EDIL3: variants seen among roughly 807,000 people sequenced by gnomAD.
EDIL3 encodes the protein EGF-like repeat and discoidin I-like domain-containing protein 3.
Under a neutral mutation model 67.4 loss-of-function variants are expected in EDIL3, and 37 were observed. The observed-to-expected ratio is 0.55, with a 90% CI of 0.42 to 0.72. EDIL3 has a LOEUF of 0.72. Among genes scored for constraint, EDIL3 ranks in the 30% least tolerant of loss-of-function variants. EDIL3 has a pLI of 0.00. For synonymous variants in EDIL3, 195 were observed against 196.3 expected (o/e 0.99, Z 0.05); for missense variants, 527 against 586.3 (o/e 0.90, Z 1.04).
chr5:84,230,763 A>ATGTGTGTGTGTGTGTGTGTG lies in EDIL3; in HGVS notation c.197-899_197-880dup, dbSNP rs59552122. 7.0e-3 allele frequency among the ~76,000 whole-genome samples: 962 copies of ATGTGTGTGTGTGTGTGTGTG among 137,210 alleles called. 5 individuals are homozygous for ATGTGTGTGTGTGTGTGTGTG. Among genetic ancestry groups the ATGTGTGTGTGTGTGTGTGTG allele is most frequent in the Non-Finnish European group, 8.8e-3 (574 of 64,884 alleles). The allele number at this position is 137,210 out of a possible 152,430, so 90.0% of individuals were successfully genotyped here. A position where few individuals can be genotyped will look rare whatever the true frequency, so the allele number is the denominator to read the frequency against. ...CTCTCTCTCTCTCTCCCACTACGTGATGTGTGTGTGTGTGTGTGTGTGTGT... is the reference window on the plus strand; with the variant it reads ...CTCTCTCTCTCTCTCCCACTACGTGATGTGTGTGTGTGTGTGTGTGTGTGTGTGTGTGTGTGTGTGTGTGT... On this transcript the variant is annotated intron_variant, in intron 2 of 10. Coordinates refer to ENST00000296591, the MANE Select transcript of EDIL3 (RefSeq NM_005711.5).
intron 3 of EDIL3, among the ~76,000 whole-genome samples, chr5:84,183,369 T>C (rs1480853891): frequency 6.6e-6 from 1 of 152,118 alleles, no homozygotes; most frequent in East Asian, 1.9e-4. Context: ...GAGTTTTGAC[T>C]CATCAATTCA....
At chr5:84,276,552 C>T (rs1048529907) in intron 1 of EDIL3, among the ~76,000 whole-genome samples, 2 of 151,826 alleles carry the variant, frequency 1.3e-5, no homozygotes, top group African/African-American at 4.8e-5. Flanking sequence ...TTTTCTCTTG[C>T]CATTGCTTTG....
rs569401179 is a variant in EDIL3, at chr5:84,198,383, T to C, written c.227-17862A>G. Reference sequence around the variant, plus strand: ...TTGGAAGTCTGAGATCCAAGACAGATGTATTTTAAGAAACTTAATTAAATC... The same window carrying C: ...TTGGAAGTCTGAGATCCAAGACAGACGTATTTTAAGAAACTTAATTAAATC... On this transcript the variant is annotated intron_variant, in intron 3 of 10. Coordinates refer to ENST00000296591, the MANE Select transcript of EDIL3 (RefSeq NM_005711.5). Among the ~76,000 whole-genome samples, 24 of 152,128 alleles carry C rather than the reference T, an allele frequency of 1.6e-4. No individual in the cohort carries two copies. The South Asian group carries it at 3.7e-3, about 24-fold the overall frequency.
intron 4 of EDIL3, among the ~76,000 whole-genome samples, chr5:84,178,570 A>T (rs1029370445): frequency 1.3e-5 from 2 of 152,208 alleles, no homozygotes; most frequent in Non-Finnish European, 2.9e-5. Context: ...CCATTTATTC[A>T]TAATACTCAT....
chr5:84,280,640 G>T (rs1745676766), intron 1 of EDIL3, among the ~76,000 whole-genome samples: 1 of 151,994 alleles, frequency 6.6e-6, no homozygotes, highest in South Asian at 2.1e-4. Context: ...TCTATAATTT[G>T]GTGATCACTT....
rs980701753 is a variant in EDIL3 at position 84,102,625 on chromosome 5, C to CA, written c.651+4023dup. On this transcript the variant is annotated intron_variant, in intron 6 of 10. Coordinates refer to ENST00000296591, the MANE Select transcript of EDIL3 (RefSeq NM_005711.5). ...ATTGCTAAAACAAAACAAAACAAAACAAAAAAAAAACGAAAAAACCCTCCT... is the reference window on the plus strand; with the variant it reads ...ATTGCTAAAACAAAACAAAACAAAACAAAAAAAAAAACGAAAAAACCCTCCT... Among the ~76,000 whole-genome samples the CA allele has an allele frequency of 1.8e-3, 254 of 141,908 alleles. 1 individual carries two copies. Among genetic ancestry groups the CA allele is most frequent in the East Asian group, 9.9e-3 (48 of 4,838 alleles). The allele number at this position is 141,908 out of a possible 152,430, so 93.1% of individuals were successfully genotyped here. A position where few individuals can be genotyped will look rare whatever the true frequency, so the allele number is the denominator to read the frequency against.
intron 9 of EDIL3, among the ~76,000 whole-genome samples, chr5:83,983,363 G>T (rs984671491): frequency 6.6e-6 from 1 of 152,028 alleles, no homozygotes; most frequent in African/African-American, 2.4e-5. Context: ...TAGATAGGTC[G>T]ACGGATGAAA....
At chr5:84,244,701 G>A (rs1250850864) in intron 2 of EDIL3, among the ~76,000 whole-genome samples, 4 of 152,108 alleles carry the variant, frequency 2.6e-5, no homozygotes, top group Admixed American at 2.6e-4. Flanking sequence ...TCATTCATCC[G>A]TTAGCCCTTT....
At chr5:84,108,432 C>T (rs1404568374) in intron 5 of EDIL3, among the ~76,000 whole-genome samples, 2 of 151,836 alleles carry the variant, frequency 1.3e-5, no homozygotes, top group South Asian at 2.1e-4. Context: ...CTTTTTTTAA[C>T]ATGTAATTAG....
chr5:84,071,340 C>A (rs1176030363), intron 6 of EDIL3, among the ~76,000 whole-genome samples: 3 of 152,148 alleles, frequency 2.0e-5, no homozygotes, highest in Non-Finnish European at 4.4e-5. Context: ...ATAACAAATT[C>A]TCTAGGGAAT....
At chr5:84,330,198 G>A (rs1746841706) in intron 1 of EDIL3, among the ~76,000 whole-genome samples, 1 of 152,078 alleles carries the variant, frequency 6.6e-6, no homozygotes, top group Non-Finnish European at 1.5e-5. Flanking sequence ...AAAACTACCA[G>A]TTTCTCCTGA....
chr5:84,202,989 A>C (rs1299291309), intron 3 of EDIL3, among the ~76,000 whole-genome samples: 4 of 152,170 alleles, frequency 2.6e-5, no homozygotes, highest in African/African-American at 9.7e-5. Flanking sequence ...AGGAGACTGG[A>C]AAGACTATAT....
intron 5 of EDIL3, among the ~76,000 whole-genome samples, chr5:84,128,916 G>A (rs1211213784): frequency 2.0e-5 from 3 of 152,024 alleles, no homozygotes; most frequent in Admixed American, 6.6e-5. Flanking sequence ...AACTTCTTAC[G>A]GAATGTTTCA....
At chr5:84,132,007 C>T (rs1423724889) in intron 5 of EDIL3, among the ~76,000 whole-genome samples, 4 of 151,224 alleles carry the variant, frequency 2.6e-5, no homozygotes, top group African/African-American at 9.7e-5. Flanking sequence ...TTGAGGTGGG[C>T]GGATCTCCTG....
chr5:84,172,839 T>A (rs1412060290), intron 4 of EDIL3, among the ~76,000 whole-genome samples: 2 of 152,078 alleles, frequency 1.3e-5, no homozygotes, highest in Non-Finnish European at 2.9e-5. Context: ...TAGAGGGCAT[T>A]AAGTGAAAAA....
At chr5:84,325,439 A>G (rs549615702) in intron 1 of EDIL3, among the ~76,000 whole-genome samples, 1 of 152,098 alleles carries the variant, frequency 6.6e-6, no homozygotes, top group Non-Finnish European at 1.5e-5. Flanking sequence ...ATGAGATATC[A>G]CCTCACAACC....
intron 9 of EDIL3, among the ~76,000 whole-genome samples, chr5:83,976,178 G>A (rs914708790): frequency 2.0e-5 from 3 of 151,856 alleles, no homozygotes; most frequent in Non-Finnish European, 4.4e-5. Context: ...GTGTTGGGAT[G>A]CATTGCTTCC....
intron 1 of EDIL3, among the ~76,000 whole-genome samples, chr5:84,315,750 A>T (rs767743691): frequency 6.6e-6 from 1 of 152,170 alleles, no homozygotes; most frequent in African/African-American, 2.4e-5. Context: ...AATTCAGGAA[A>T]TACAGAGAAC....
At chr5:84,031,585 C>T (rs1305749083) in intron 9 of EDIL3, among the ~76,000 whole-genome samples, 3 of 152,120 alleles carry the variant, frequency 2.0e-5, no homozygotes, top group Non-Finnish European at 2.9e-5. Flanking sequence ...AGAAGAGACA[C>T]GAGAGGTTCC....
Sources: gnomAD v4.1 joint callset for allele counts (sites outside exome capture counted in the v4.1 genomes callset) on GRCh38, gnomAD v4.1.1 for gene constraint, MANE v1.5 for transcripts, NCBI Gene and HGNC (gene_info 2026-07-23, HGNC 2026-07-21) for gene names.